Variants in ZNF677 observed in about 807,000 individuals in gnomAD.
ZNF677 encodes zinc finger protein 677, also known as hypothetical protein MGC48625.
ZNF677 carries 5 observed loss-of-function variants against 8.1 expected under a neutral mutation model. That is an observed-to-expected ratio of 0.62 (90% CI 0.32 to 1.29). The LOEUF (loss-of-function observed/expected upper bound fraction) is 1.29. Among genes scored for constraint, ZNF677 ranks in the 50% most tolerant of loss-of-function variants. The pLI, the probability that ZNF677 is intolerant of heterozygous loss-of-function variation, is 0.05. For synonymous variants in ZNF677, 221 were observed against 225.6 expected, an observed-to-expected ratio of 0.98 and a Z score of 0.18; for missense variants, 685 against 685.9, an observed-to-expected ratio of 1.00 and a Z score of 0.01.
Position 53,237,405 on chromosome 19 carries a change from A to C in ZNF677, c.1322T>G (p.Ile441Ser). ...ATGTTCCACAAGACTTGAACTTTGG[A>C]TAAAAGCCCTGCCACACACATTACA... ...HKCNVCGRAF[I>S]QSSSLVEHQR... Residue 441 changes from isoleucine to serine, a missense_variant, in exon 5 of 5, where the codon ATC becomes AGC. Transcript: ENST00000598513. The C allele has an allele frequency of 6.2e-7, 1 of 1,613,918 alleles. No homozygotes were observed. Among genetic ancestry groups the C allele is most frequent in the South Asian group, 1.1e-5 (1 of 91,072 alleles).
rs2146926327 is a variant in ZNF677, at chr19:53,235,423, TAAG to T, written c.*1546_*1548del. On this transcript the variant is annotated 3_prime_UTR_variant, in exon 5 of 5. Transcript: ENST00000598513. ...TGATTATATTTTACTAATTAAGACA[TAAG>T]AAGTATAATATATTCTAAATAAAAT... is the stretch of plus-strand genomic sequence containing the variant. The T allele has an allele frequency of 1.3e-5, 2 of 152,294 alleles. No homozygotes were observed. Among genetic ancestry groups the T allele is most frequent in the Non-Finnish European group, 2.9e-5 (2 of 68,028 alleles). 9.4% of individuals were successfully genotyped at this position (152,294 alleles called of 1,614,324 possible).
intron 4 of ZNF677, chr19:53,241,329 T>C (rs1438034553): frequency 1.3e-5 from 2 of 152,364 alleles, no homozygotes; most frequent in Non-Finnish European, 2.9e-5. Context: ...TTTATACCAA[T>C]GACATTGGCA....
intron 3 of ZNF677, among the ~76,000 whole-genome samples, chr19:53,248,001 C>A (rs1031919764): frequency 6.6e-6 from 1 of 152,086 alleles, no homozygotes; most frequent in African/African-American, 2.4e-5. Flanking sequence ...CCACTTTTAC[C>A]ATTTTGCTAC....
chr19:53,236,878 T>C lies in ZNF677; in HGVS notation c.*94A>G. The C allele has an allele frequency of 8.7e-7, 1 of 1,149,270 alleles. No homozygotes were observed. 71.2% of individuals were successfully genotyped at this position (1,149,270 alleles called of 1,614,324 possible). A position where few individuals can be genotyped will look rare whatever the true frequency, so the allele number is the denominator to read the frequency against. On this transcript the variant is annotated 3_prime_UTR_variant, in exon 5 of 5. Transcript: ENST00000598513. ...CTTTGTGTGGTTTATCTCAAAGATG[T>C]ATATTCTGGTATCAAGTGAGACATA... is the stretch of plus-strand genomic sequence containing the variant.
In ZNF677 at chr19:53,238,180, A is replaced by G. The variant is rs1285390476; in HGVS notation, c.547T>C (p.Tyr183His). 2 of 1,613,514 alleles carry G rather than the reference A, an allele frequency of 1.2e-6. No homozygotes were observed. Among genetic ancestry groups the G allele is most frequent in the Non-Finnish European group, 1.7e-6 (2 of 1,179,812 alleles). Reference protein sequence around the residue: ...KNNIRYAGNKYVKCFENKIGL... With the variant: ...KNNIRYAGNKHVKCFENKIGL... ...ATTTTATTTTCAAAACACTTCACGT[A>G]TTTGTTTCCGGCATACCTTATGTTA... The change falls in exon 5 of 5, where the codon TAC becomes CAC. Residue 183 changes from tyrosine to histidine, a missense_variant. Tyr to His is a moderately conservative substitution (Grantham distance 83). Coordinates refer to ENST00000598513, the MANE Select transcript of ZNF677 (RefSeq NM_182609.4).
intron 3 of ZNF677, among the ~76,000 whole-genome samples, chr19:53,244,691 C>A (rs193009370): frequency 6.6e-6 from 1 of 152,308 alleles, no homozygotes; most frequent in Admixed American, 6.5e-5. Flanking sequence ...AAGCAATCTA[C>A]AGTCAATGCA....
intron 3 of ZNF677, among the ~76,000 whole-genome samples, chr19:53,250,696 G>A (rs2091220774): frequency 6.6e-6 from 1 of 152,120 alleles, no homozygotes; most frequent in African/African-American, 2.4e-5. Context: ...GGAGGGAGAG[G>A]ATCAGGAAAA....
Position 53,236,821 on chromosome 19 carries a change from G to C in ZNF677, c.*151C>G, listed in dbSNP as rs1465005333. On this transcript the variant is annotated 3_prime_UTR_variant, in exon 5 of 5. Coordinates refer to ENST00000598513, the MANE Select transcript of ZNF677 (RefSeq NM_182609.4). ...AATTCTATGATGTTCCACAAGGCTTGAACTTTGGATAAGCCTTGCCATACA... is the reference window on the plus strand; with the variant it reads ...AATTCTATGATGTTCCACAAGGCTTCAACTTTGGATAAGCCTTGCCATACA... 1 of 645,240 alleles carries C rather than the reference G, an allele frequency of 1.5e-6. No individual in the cohort carries two copies. The highest frequency in any genetic ancestry group is 3.7e-5 in the Admixed American group (1 of 26,722). The allele number at this position is 645,240 out of a possible 1,614,324, so 40.0% of individuals were successfully genotyped here.
intron 4 of ZNF677, chr19:53,240,318 C>T (rs946894241): frequency 5.3e-5 from 8 of 152,302 alleles, no homozygotes; most frequent in African/African-American, 1.9e-4. Context: ...ATGGTCTCGG[C>T]TCATCACAAC....
intron 3 of ZNF677, among the ~76,000 whole-genome samples, chr19:53,246,823 G>A (rs1476090917): frequency 6.6e-6 from 1 of 152,086 alleles, no homozygotes; most frequent in Non-Finnish European, 1.5e-5. Context: ...AGTTAATCCT[G>A]TATTGTATAC....
intron 3 of ZNF677, among the ~76,000 whole-genome samples, chr19:53,246,317 C>CAAAAAAAAAAAAAAAA (rs59756987): frequency 1.6e-5 from 2 of 122,174 alleles, no homozygotes. Flanking sequence ...GACTCCGTCC[C>CAAAAAAAAAAAAAAAA]AAAAAAAAAG....
At chr19:53,243,989 T>C in intron 3 of ZNF677, 92 bp from the exon 4 acceptor site, 1 of 1,239,096 alleles carries the variant, frequency 8.1e-7, no homozygotes, top group Non-Finnish European at 1.1e-6. Flanking sequence ...ATTCACTGAT[T>C]TATGTGAGTT....
rs777078009 is a variant in ZNF677 at position 53,243,772 on chromosome 19, G to A, written c.141C>T (p.Leu47=). The change falls in exon 4 of 5, where the codon CTC becomes CTT. Residue 47 remains leucine (L), a synonymous_variant. Transcript: ENST00000598513. The part of the protein sequence containing the change: ...MLENYRNLLS[L]DEDNIPPEDD... Reference sequence around the variant, plus strand: ...CTTCTGGAGGGATGTTATCCTCATCGAGAGAAAGCAGGTTCCTGTAGTTCT... The same window carrying A: ...CTTCTGGAGGGATGTTATCCTCATCAAGAGAAAGCAGGTTCCTGTAGTTCT... The A allele has an allele frequency of 1.9e-6, 3 of 1,614,122 alleles. No homozygotes were observed. The highest frequency in any genetic ancestry group is 2.5e-6 in the Non-Finnish European group (3 of 1,180,012).
chr19:53,237,814 T>C lies in ZNF677; in HGVS notation c.913A>G (p.Asn305Asp), dbSNP rs2090989946. The C allele has an allele frequency of 1.2e-6, 2 of 1,612,962 alleles. No individual in the cohort carries two copies. The highest frequency in any genetic ancestry group is 8.5e-7 in the Non-Finnish European group (1 of 1,179,426). Residue 305 changes from asparagine to aspartate, a missense_variant, in exon 5 of 5, where the codon AAC becomes GAC. Asn to Asp is a conservative substitution (Grantham distance 23). Transcript: ENST00000598513. ...ECGKAFNQCSNLTRHQRVHTG... is the reference protein window; with the variant it reads ...ECGKAFNQCSDLTRHQRVHTG... ...TGGACTCTCTGATGCCTAGTGAGGT[T>C]CGAACACTGGTTAAAGGCTTTGCCA... is the stretch of plus-strand genomic sequence containing the variant.
chr19:53,240,765 T>C (rs1426776020), intron 4 of ZNF677: 1 of 152,158 alleles, frequency 6.6e-6, no homozygotes, highest in Admixed American at 6.5e-5. Flanking sequence ...ATGGAGGATA[T>C]ATGTCTATTA....
intron 1 of ZNF677, among the ~76,000 whole-genome samples, chr19:53,253,386 A>G (rs2091264579): frequency 6.6e-6 from 1 of 152,242 alleles, no homozygotes; most frequent in African/African-American, 2.4e-5. Context: ...GTTCCAATAT[A>G]TGATAAAAAG....
At position 53,242,197 on chromosome 19, in the gene ZNF677, G is replaced by T. The variant is rs1006278768; in HGVS notation, c.169+1547C>A. On this transcript the variant is annotated intron_variant, in intron 4 of 4. Coordinates refer to ENST00000598513, the MANE Select transcript of ZNF677 (RefSeq NM_182609.4). ...TCTGCCCACCTCGGCCTCCCAAAGTGCTGGGATTATAGGCGTGAGGCACCA... is the reference window on the plus strand; with the variant it reads ...TCTGCCCACCTCGGCCTCCCAAAGTTCTGGGATTATAGGCGTGAGGCACCA... 1.6e-4 allele frequency: 62 copies of T among 397,588 alleles called. 2 individuals are homozygous for T. The Admixed American group carries it at 2.7e-3, about 17-fold the overall frequency. 24.6% of individuals were successfully genotyped at this position (397,588 alleles called of 1,614,324 possible).
chr19:53,250,987 T>C (rs1431446411), intron 3 of ZNF677, among the ~76,000 whole-genome samples: 1 of 152,184 alleles, frequency 6.6e-6, no homozygotes, highest in African/African-American at 2.4e-5. Flanking sequence ...GAAAAAAGAC[T>C]ACCTTCTCCA....
At position 53,237,679 on chromosome 19, in the gene ZNF677, T is replaced by C. The variant is rs530082939; in HGVS notation, c.1048A>G (p.Asn350Asp). 1.9e-6 allele frequency: 3 copies of C among 1,613,090 alleles called. No homozygotes were observed. Among genetic ancestry groups the C allele is most frequent in the African/African-American group, 1.3e-5 (1 of 75,034 alleles). ...MHTGEKPYKC[N>D]ECGKAFIQRS... ...TGGATAAATGCCTTACCACATTCATTACATTTGTAAGGTTTCTCTCCAGTA... is the reference window on the plus strand; with the variant it reads ...TGGATAAATGCCTTACCACATTCATCACATTTGTAAGGTTTCTCTCCAGTA... The change falls in exon 5 of 5, where the codon AAT becomes GAT. Residue 350 changes from asparagine (N) to aspartate (D), a missense_variant. Asn to Asp is a conservative substitution (Grantham distance 23). Transcript: ENST00000598513.
Sources: allele counts gnomAD v4.1 joint callset (sites outside exome capture counted in the v4.1 genomes callset), GRCh38; gene constraint gnomAD v4.1.1; transcripts MANE v1.5; gene names NCBI Gene and HGNC (gene_info 2026-07-23, HGNC 2026-07-21).